Variants in HECW1 observed in about 807,000 individuals in gnomAD.
HECW1 encodes the protein HECT, C2 and WW domain containing E3 ubiquitin protein ligase 1.
HECW1 carries 61 observed loss-of-function variants against 182.3 expected under a neutral mutation model. That is an observed-to-expected ratio of 0.33 (90% confidence interval 0.27 to 0.41). The LOEUF (loss-of-function observed/expected upper bound fraction) is 0.41. HECW1 is among the 10% of genes least tolerant of loss of function. HECW1 has a pLI of 1.00. For missense variants in HECW1, 1,739 were observed against 2,108.9 expected (o/e 0.82, Z 3.44); for synonymous variants, 859 against 832.6 (o/e 1.03, Z -0.55).
intron 3 of HECW1, 146 bp from the exon 4 acceptor site, chr7:43,311,617 A>G (rs543631466): frequency 4.8e-5 from 39 of 807,790 alleles, no homozygotes; most frequent in Non-Finnish European, 4.4e-5. Context: ...CACGAGGAAG[A>G]TGCTCTATGC....
rs116620227 is a variant in HECW1, at chr7:43,395,068, T to A, written c.556-1746T>A. On this transcript the variant is annotated intron_variant, in intron 6 of 29. Transcript: ENST00000395891. ...TTGTTGATCTTGTGGTGCCAGCTGA[T>A]CCATCAAGTGCAGGGTCTATGAAAT... 2.5e-3 allele frequency among the ~76,000 whole-genome samples: 369 copies of A among 150,592 alleles called. 1 individual carries two copies. The highest frequency in any genetic ancestry group is 8.3e-3 in the African/African-American group (340 of 40,866).
chr7:43,401,016 G>T (rs2075386420), intron 7 of HECW1, among the ~76,000 whole-genome samples: 1 of 152,122 alleles, frequency 6.6e-6, no homozygotes, highest in Non-Finnish European at 1.5e-5. Flanking sequence ...CAAGGACTCT[G>T]TGATTACGTT....
chr7:43,487,579 A>G (rs2078694341), intron 17 of HECW1, among the ~76,000 whole-genome samples: 15 of 152,154 alleles, frequency 9.9e-5, no homozygotes, highest in Admixed American at 9.8e-4. Context: ...TAATAAGACC[A>G]AAGGGGTCAA....
rs1799068886 is a variant in HECW1 at position 43,243,420 on chromosome 7, G to A, written c.-31-455G>A. On this transcript the variant is annotated intron_variant, in intron 2 of 29. Coordinates refer to ENST00000395891, the MANE Select transcript of HECW1 (RefSeq NM_015052.5). This position sits in a 1 kb window ranked among gnomAD's most constrained non-coding sequence, Gnocchi z 4.0. ...AAATGCCTGAGGGAGTAAGGGCACT[G>A]AAACAGGCAGTGAATTTTCAGCAGT... Among the ~76,000 whole-genome samples the A allele has an allele frequency of 2.0e-5, 3 of 152,174 alleles. No homozygotes were observed. Among genetic ancestry groups the A allele is most frequent in the Admixed American group, 1.3e-4 (2 of 15,280 alleles).
chr7:43,563,283 G>A lies in HECW1; in HGVS notation c.*1357G>A, dbSNP rs1054880717. On this transcript the variant is annotated 3_prime_UTR_variant, in exon 30 of 30. Coordinates refer to ENST00000395891, the MANE Select transcript of HECW1 (RefSeq NM_015052.5). ...CATGTTGTCAGAAAAACAGCTGCAG[G>A]CTCCAAAGACAGCCTAACCTCTCAA... 4.8e-6 allele frequency: 1 copy of A among 210,280 alleles called. No individual in the cohort carries two copies. Among genetic ancestry groups the A allele is most frequent in the Non-Finnish European group, 9.7e-6 (1 of 103,622 alleles). The allele number at this position is 210,280 out of a possible 1,614,324, so 13.0% of individuals were successfully genotyped here.
chr7:43,208,315 A>G (rs138974460), intron 2 of HECW1, among the ~76,000 whole-genome samples: 1 of 152,314 alleles, frequency 6.6e-6, no homozygotes, highest in African/African-American at 2.4e-5. Context: ...TCTTTTGCAA[A>G]TCAACTTGGT....
intron 26 of HECW1, among the ~76,000 whole-genome samples, chr7:43,549,607 C>T (rs1341402007): frequency 6.6e-6 from 1 of 152,190 alleles, no homozygotes; most frequent in East Asian, 1.9e-4. Flanking sequence ...AGATGATACA[C>T]AGATAATAGC....
At chr7:43,302,801 C>A (rs577260979) in intron 3 of HECW1, among the ~76,000 whole-genome samples, 1 of 152,302 alleles carries the variant, frequency 6.6e-6, no homozygotes, top group Non-Finnish European at 1.5e-5. Flanking sequence ...CACTTTCAAT[C>A]AGGCTAGTGC....
intron 15 of HECW1, among the ~76,000 whole-genome samples, chr7:43,466,775 G>GT (rs1269766597): frequency 1.3e-5 from 2 of 151,986 alleles, no homozygotes; most frequent in South Asian, 2.1e-4. Context: ...GCCTCTTTGG[G>GT]TTTTTTTTAA....
At position 43,135,986 on chromosome 7, in the gene HECW1, T is replaced by G. The variant is rs578124985; in HGVS notation, c.-32+21595T>G. Among the ~76,000 whole-genome samples the G allele has an allele frequency of 6.9e-4, 105 of 152,082 alleles. 1 individual carries two copies. Among genetic ancestry groups the G allele is most frequent in the African/African-American group, 2.4e-3 (101 of 41,526 alleles). On this transcript the variant is annotated intron_variant, in intron 2 of 29. Transcript: ENST00000395891. The stretch of plus-strand genomic sequence containing the variant: ...AAATAGATACCATTTACACTTTTTT[T>G]TTTTTTTACTATTTGCTGATAGCTC...
intron 5 of HECW1, among the ~76,000 whole-genome samples, chr7:43,356,250 G>A (rs1236102098): frequency 6.6e-6 from 1 of 152,182 alleles, no homozygotes; most frequent in East Asian, 1.9e-4. Context: ...AAGGGCAAGA[G>A]TACCTATGCT....
intron 2 of HECW1, among the ~76,000 whole-genome samples, chr7:43,213,157 C>G (rs950268461): frequency 1.3e-5 from 2 of 152,024 alleles, no homozygotes; most frequent in Admixed American, 1.3e-4. Context: ...TTTTTATATA[C>G]TTCCCAGAAA....
At chr7:43,130,349 G>A (rs1433815311) in intron 2 of HECW1, among the ~76,000 whole-genome samples, 7 of 152,180 alleles carry the variant, frequency 4.6e-5, no homozygotes, top group East Asian at 3.9e-4. Flanking sequence ...TTTCATGTAC[G>A]CCTTATGCAC....
intron 4 of HECW1, among the ~76,000 whole-genome samples, chr7:43,316,766 T>TCCC (rs1562826287): frequency 7.1e-3 from 32 of 4,516 alleles, no homozygotes; most frequent in East Asian, 0.016. Context: ...TCCCCTCCCC[T>TCCC]TTTCTCTCCT....
intron 8 of HECW1, among the ~76,000 whole-genome samples, chr7:43,418,607 A>G (rs923166365): frequency 3.9e-5 from 6 of 151,908 alleles, no homozygotes; most frequent in Non-Finnish European, 8.8e-5. Context: ...TATTGCTTCT[A>G]TGCAATGAAT....
intron 5 of HECW1, among the ~76,000 whole-genome samples, chr7:43,339,610 C>T (rs1812713870): frequency 6.6e-6 from 1 of 152,158 alleles, no homozygotes; most frequent in Non-Finnish European, 1.5e-5. Context: ...TGGTAATTTT[C>T]TGTCAATTGC....
chr7:43,169,222 T>A (rs1333313837), intron 2 of HECW1, among the ~76,000 whole-genome samples: 2 of 152,154 alleles, frequency 1.3e-5, no homozygotes, highest in Non-Finnish European at 2.9e-5. Flanking sequence ...ATTTTGATGA[T>A]AAGTTAGATG....
At chr7:43,228,076 G>T (rs574752264) in intron 2 of HECW1, among the ~76,000 whole-genome samples, 1 of 152,308 alleles carries the variant, frequency 6.6e-6, no homozygotes, top group Admixed American at 6.5e-5. Flanking sequence ...GTGTTAGGAG[G>T]AACCAGAAAG....
chr7:43,198,793 T>G (rs1453233468), intron 2 of HECW1, among the ~76,000 whole-genome samples: 1 of 151,854 alleles, frequency 6.6e-6, no homozygotes, highest in African/African-American at 2.4e-5. Flanking sequence ...CACACTCACG[T>G]GCACACACAC....
Sources: allele counts gnomAD v4.1 joint callset (sites outside exome capture counted in the v4.1 genomes callset), GRCh38; gene constraint gnomAD v4.1.1; non-coding constraint Gnocchi (gnomAD v3.1); transcripts MANE v1.5; gene names NCBI Gene and HGNC (gene_info 2026-07-23, HGNC 2026-07-21).